Variants in BTD observed in about 807,000 individuals in gnomAD.
The protein encoded by BTD is biotinidase, also known as biocytinase.
In BTD, 13 loss-of-function variants were observed where a neutral mutation model predicts 17.7. The observed-to-expected ratio is 0.74, with a 90% CI of 0.48 to 1.17. The LOEUF is 1.17. BTD is among the 50% of genes most tolerant of loss of function. BTD has a pLI of 0.00. For missense variants in BTD, 674 were observed against 650.4 expected (o/e 1.04, Z -0.39); for synonymous variants, 240 against 245.2 (o/e 0.98, Z 0.20).
At chr3:15,667,386 C>T (rs891673496) in intron 3 of BTD, 10 of 152,204 alleles carry the variant, frequency 6.6e-5, no homozygotes, top group African/African-American at 2.4e-4. Flanking sequence ...GCTATTACCA[C>T]CATTTCACCC....
chr3:15,676,898 CAT>C (rs1055065285), intron 3 of BTD: 11 of 1,233,768 alleles, frequency 8.9e-6, no homozygotes, highest in Admixed American at 1.9e-5. Flanking sequence ...CCAATAGTCA[CAT>C]GTTTAAAAAA....
At chr3:15,612,201 G>A (rs1319248767) in intron 1 of BTD, among the ~76,000 whole-genome samples, 1 of 152,052 alleles carries the variant, frequency 6.6e-6, no homozygotes, top group African/African-American at 2.4e-5. Context: ...TAATCCTCAT[G>A]TTTATTTTAC....
At chr3:15,712,345 G>A (rs1008238174) in exon 4 of BTD, 15 of 768,174 alleles carry the variant, frequency 2.0e-5, no homozygotes, top group African/African-American at 1.2e-4. Flanking sequence ...CTAACACTTC[G>A]GAGAGTAATT....
chr3:15,631,569 C>T, intron 1 of BTD: 1 of 1,294,600 alleles, frequency 7.7e-7, no homozygotes, highest in African/African-American at 1.5e-5. Context: ...AATAGATTTC[C>T]ATGTAATTGA....
intron 3 of BTD, chr3:15,696,068 C>G: frequency 9.1e-7 from 1 of 1,102,774 alleles, no homozygotes; most frequent in South Asian, 1.5e-5. Context: ...CATTTATTCT[C>G]ATTTTTGTTA....
chr3:15,630,912 G>GAGT (rs1316338931), intron 1 of BTD, among the ~76,000 whole-genome samples: 1 of 152,060 alleles, frequency 6.6e-6, no homozygotes. Context: ...TCCAGGGGCC[G>GAGT]GTCACGGACA....
downstream of BTD, among the ~76,000 whole-genome samples, chr3:15,653,886 G>GT (rs1280888769): frequency 6.6e-6 from 1 of 152,186 alleles, no homozygotes; most frequent in Non-Finnish European, 1.5e-5. Flanking sequence ...ACATAAGACT[G>GT]TTACTGTTTT....
chr3:15,656,882 G>T (rs2455796), downstream of BTD, among the ~76,000 whole-genome samples: 100,892 of 152,078 alleles, frequency 0.66, 33,767 homozygotes, highest in East Asian at 0.78. Flanking sequence ...ACTATGAAAC[G>T]TAATGGCTTG....
At chr3:15,694,554 C>T (rs1336436445) in intron 3 of BTD, among the ~76,000 whole-genome samples, 1 of 141,378 alleles carries the variant, frequency 7.1e-6, no homozygotes, top group East Asian at 2.0e-4. Context: ...ACAGAAAAAA[C>T]AAAAACAAAA....
chr3:15,665,989 T>C (rs1199779717), intron 3 of BTD, among the ~76,000 whole-genome samples: 1 of 152,106 alleles, frequency 6.6e-6, no homozygotes, highest in African/African-American at 2.4e-5. Flanking sequence ...GTAAGAGTGA[T>C]TAAACAACTT....
At chr3:15,663,058 C>T (rs1015639208) in intron 3 of BTD, among the ~76,000 whole-genome samples, 6 of 151,682 alleles carry the variant, frequency 4.0e-5, no homozygotes, top group South Asian at 2.1e-4. Context: ...AGTGCAATGG[C>T]GTGATCTTGG....
chr3:15,631,640 G>A (rs746893182), intron 1 of BTD: 27 of 709,214 alleles, frequency 3.8e-5, no homozygotes, highest in Non-Finnish European at 6.0e-5. Flanking sequence ...TTGGGGGAAT[G>A]TTTTCCTTAT....
chr3:15,642,365 C>T, intron 3 of BTD: 1 of 885,094 alleles, frequency 1.1e-6, no homozygotes, highest in African/African-American at 1.7e-5. Context: ...CACCTCATCC[C>T]ATGCCCTTGC....
chr3:15,643,499 T>G (rs2065593612), intron 3 of BTD, among the ~76,000 whole-genome samples: 1 of 151,346 alleles, frequency 6.6e-6, no homozygotes. Context: ...AGACCCTGCC[T>G]CAAAAAAAAA....
intron 1 of BTD, among the ~76,000 whole-genome samples, chr3:15,618,924 T>A (rs1250067379): frequency 1.3e-5 from 2 of 152,272 alleles, no homozygotes; most frequent in African/African-American, 4.8e-5. Context: ...ACAACATTGG[T>A]ATAATAACTT....
At chr3:15,642,611 C>A (rs554036189) in intron 3 of BTD, among the ~76,000 whole-genome samples, 14 of 152,018 alleles carry the variant, frequency 9.2e-5, no homozygotes, top group African/African-American at 3.1e-4. Flanking sequence ...CCCACCACCA[C>A]GCCCGGCTAA....
At chr3:15,620,405 T>A (rs1159841764) in intron 1 of BTD, among the ~76,000 whole-genome samples, 13 of 152,204 alleles carry the variant, frequency 8.5e-5, no homozygotes, top group Admixed American at 8.5e-4. Context: ...TGTTTCCTAC[T>A]TGCACATCCA....
At chr3:15,683,809 T>C (rs2125736844) in intron 3 of BTD, 1 of 152,340 alleles carries the variant, frequency 6.6e-6, no homozygotes, top group African/African-American at 2.4e-5. Flanking sequence ...TGCTTTAACT[T>C]GATAACTTTG....
chr3:15,623,122 A>G (rs1019363237), intron 1 of BTD, among the ~76,000 whole-genome samples: 15 of 152,232 alleles, frequency 9.9e-5, no homozygotes, highest in African/African-American at 3.6e-4. Flanking sequence ...TACCATGAGA[A>G]CAGTATGTGG....
Sources: allele counts gnomAD v4.1 joint callset (sites outside exome capture counted in the v4.1 genomes callset), GRCh38; gene constraint gnomAD v4.1.1; transcripts MANE v1.5; gene names NCBI Gene and HGNC (gene_info 2026-07-23, HGNC 2026-07-21).